The following CBLB variants were observed in gnomAD, a reference collection of about 807,000 sequenced individuals.
CBLB encodes Cbl proto-oncogene B, also known as E3 ubiquitin-protein ligase CBL-B.
A neutral mutation model predicts 104.9 loss-of-function variants in CBLB; 31 were observed. The ratio of observed to expected loss-of-function variants is 0.30; its 90% CI spans 0.22 to 0.40. The LOEUF is 0.40. CBLB is among the 10% of genes least tolerant of loss of function. The pLI is 1.00. For synonymous variants in CBLB, 440 were observed against 422.6 expected, an observed-to-expected ratio of 1.04 and a Z score of -0.51; for missense variants, 1,062 against 1,214.6, an observed-to-expected ratio of 0.87 and a Z score of 1.87.
At chr3:105,783,246 A>G (rs949353614) in intron 3 of CBLB, among the ~76,000 whole-genome samples, 2 of 150,670 alleles carry the variant, frequency 1.3e-5, no homozygotes, top group Non-Finnish European at 3.0e-5. Flanking sequence ...ATAAAAATAC[A>G]TAAGACATGT....
intron 3 of CBLB, among the ~76,000 whole-genome samples, chr3:105,837,637 A>C (rs2088766622): frequency 6.6e-6 from 1 of 152,234 alleles, no homozygotes; most frequent in Admixed American, 6.5e-5. Flanking sequence ...AAACTGTAGT[A>C]ATTTCATGAA....
At chr3:105,674,220 G>T (rs1010893447) in intron 17 of CBLB, among the ~76,000 whole-genome samples, 2 of 152,218 alleles carry the variant, frequency 1.3e-5, no homozygotes, top group Non-Finnish European at 2.9e-5. Flanking sequence ...TCACTCCTCA[G>T]ATTTGAATTC....
chr3:105,707,457 A>C lies in CBLB; in HGVS notation c.1408-3284T>G, dbSNP rs1178473210. 4.2e-5 allele frequency among the ~76,000 whole-genome samples: 6 copies of C among 143,670 alleles called. 1 individual carries two copies. The Admixed American group carries it at 4.3e-4, about 10-fold the overall frequency. The allele number at this position is 143,670 out of a possible 152,430, so 94.3% of individuals were successfully genotyped here. A position where few individuals can be genotyped will look rare whatever the true frequency, so the allele number is the denominator to read the frequency against. ...TCCTGAGTTCTCCTAAATTAGAGTA[A>C]AATTCCTACCTAAGAGTAGATAATT... On this transcript the variant is annotated intron_variant, in intron 10 of 18. Coordinates refer to ENST00000394030, the MANE Select transcript of CBLB (RefSeq NM_170662.5).
At chr3:105,712,241 T>C (rs2301035) in intron 10 of CBLB, among the ~76,000 whole-genome samples, 10,424 of 152,186 alleles carry the variant, frequency 0.068, 517 homozygotes, top group Admixed American at 0.15. Flanking sequence ...GATCCAAATA[T>C]ATGTGTGATT....
At chr3:105,753,131 G>T (rs1470296082) in intron 4 of CBLB, among the ~76,000 whole-genome samples, 2 of 152,114 alleles carry the variant, frequency 1.3e-5, no homozygotes, top group African/African-American at 4.8e-5. Flanking sequence ...AGCAGTCTGT[G>T]GGAAGTGGCA....
intron 3 of CBLB, among the ~76,000 whole-genome samples, chr3:105,791,095 A>C (rs1338360381): frequency 6.6e-6 from 1 of 152,226 alleles, no homozygotes; most frequent in East Asian, 1.9e-4. Flanking sequence ...AATTTAAAAG[A>C]TCTGTTGAAG....
intron 3 of CBLB, among the ~76,000 whole-genome samples, chr3:105,847,800 G>A (rs2090468423): frequency 1.3e-5 from 2 of 152,022 alleles, no homozygotes; most frequent in Non-Finnish European, 2.9e-5. Flanking sequence ...CTTTTCAGAA[G>A]AAATAAATTT....
intron 10 of CBLB, among the ~76,000 whole-genome samples, chr3:105,716,502 C>T (rs116792811): frequency 0.014 from 2,183 of 152,238 alleles, 44 homozygotes; most frequent in African/African-American, 0.05. Flanking sequence ...AAGAACATAA[C>T]ATCATAGCAA....
intron 3 of CBLB, among the ~76,000 whole-genome samples, chr3:105,782,203 TA>T (rs960940142): frequency 6.6e-6 from 1 of 152,184 alleles, no homozygotes; most frequent in African/African-American, 2.4e-5. Context: ...CCAAATGCTT[TA>T]AAGTTTTAAA....
chr3:105,679,822 T>C (rs1328844873), intron 16 of CBLB, among the ~76,000 whole-genome samples: 1 of 152,092 alleles, frequency 6.6e-6, no homozygotes, highest in East Asian at 1.9e-4. Context: ...TAGAAAAAAT[T>C]GGCACACTAA....
At chr3:105,741,095 GTTTTTT>G (rs66493673) in intron 6 of CBLB, among the ~76,000 whole-genome samples, 1 of 108,200 alleles carries the variant, frequency 9.2e-6, no homozygotes, top group Non-Finnish European at 1.8e-5. Context: ...AAAAATTAGG[GTTTTTT>G]TTTTTTTTTT....
At position 105,745,210 on chromosome 3, in the gene CBLB, G is replaced by A. The variant is rs576769915; in HGVS notation, c.845+707C>T. ...CACAAATGCCTACTATGGGCCTAAT[G>A]CATTTTTAGATGAAATACATGGGAA... On this transcript the variant is annotated intron_variant, in intron 6 of 18. Coordinates refer to ENST00000394030, the MANE Select transcript of CBLB (RefSeq NM_170662.5). Among the ~76,000 whole-genome samples, 20 of 152,262 alleles carry A rather than the reference G, an allele frequency of 1.3e-4. No homozygotes were observed. In the South Asian group the frequency reaches 3.9e-3, roughly 30 times the overall value.
At chr3:105,679,309 C>T (rs1185066452) in intron 16 of CBLB, among the ~76,000 whole-genome samples, 5 of 128,028 alleles carry the variant, frequency 3.9e-5, no homozygotes, top group African/African-American at 1.2e-4. Flanking sequence ...TACTATTCTA[C>T]TCATAGTTTT....
At chr3:105,778,507 A>G (rs1356727194) in intron 3 of CBLB, among the ~76,000 whole-genome samples, 1 of 152,148 alleles carries the variant, frequency 6.6e-6, no homozygotes, top group Non-Finnish European at 1.5e-5. Flanking sequence ...TAATAAGAAG[A>G]ATGCAATAAG....
At chr3:105,863,741 G>GC (rs1460860666) in intron 2 of CBLB, among the ~76,000 whole-genome samples, 1 of 152,146 alleles carries the variant, frequency 6.6e-6, no homozygotes, top group African/African-American at 2.4e-5. Flanking sequence ...AGCCTACTGG[G>GC]CATCATCACT....
At chr3:105,745,864 A>G (rs1369442566) in intron 6 of CBLB, 53 bp downstream of exon 6, 3 of 1,547,280 alleles carry the variant, frequency 1.9e-6, no homozygotes, top group Non-Finnish European at 2.7e-6. Context: ...CAAACCATGG[A>G]GAATTTTTCA....
chr3:105,678,572 C>G lies in CBLB; in HGVS notation c.2429-1G>C. 1.9e-6 allele frequency: 3 copies of G among 1,612,416 alleles called. No individual in the cohort carries two copies. Among genetic ancestry groups the G allele is most frequent in the African/African-American group, 1.3e-5 (1 of 74,976 alleles). Reference sequence around the variant, plus strand: ...GGGAGGGCATCAAAAGCATCTTCACCTGCATTTAAAGAAAGGTCGATATCA... The same window carrying G: ...GGGAGGGCATCAAAAGCATCTTCACGTGCATTTAAAGAAAGGTCGATATCA... On this transcript the variant is annotated splice_acceptor_variant, in intron 16 of 18. Coordinates refer to ENST00000394030, the MANE Select transcript of CBLB (RefSeq NM_170662.5). LOFTEE classifies it high-confidence loss of function.
chr3:105,724,700 C>A (rs1452867053), intron 9 of CBLB, among the ~76,000 whole-genome samples: 2 of 152,028 alleles, frequency 1.3e-5, no homozygotes, highest in Non-Finnish European at 2.9e-5. Context: ...CAATTTTAAA[C>A]CTGCAGAATT....
intron 13 of CBLB, among the ~76,000 whole-genome samples, chr3:105,693,274 G>T (rs2067947421): frequency 6.6e-6 from 1 of 152,066 alleles, no homozygotes; most frequent in Non-Finnish European, 1.5e-5. Context: ...GTTGCTCTAT[G>T]TAACCTCAAG....
Sources: allele counts gnomAD v4.1 joint callset (sites outside exome capture counted in the v4.1 genomes callset), GRCh38; gene constraint gnomAD v4.1.1; transcripts MANE v1.5; gene names NCBI Gene and HGNC (gene_info 2026-07-23, HGNC 2026-07-21).